The following NEK3 variants were observed in gnomAD, a reference collection of about 807,000 sequenced individuals.
The protein encoded by NEK3 is serine/threonine-protein kinase Nek3.
A neutral mutation model predicts 66.0 loss-of-function variants in NEK3; 54 were observed. The observed-to-expected ratio is 0.82, with a 90% CI of 0.66 to 1.03. The LOEUF (loss-of-function observed/expected upper bound fraction) is 1.03, where lower values mean the gene tolerates loss of function less well. Among genes scored for constraint, NEK3 ranks in the 50% least tolerant of loss-of-function variants. The pLI is 0.00. For synonymous variants in NEK3, 200 were observed against 206.2 expected (o/e 0.97, Z 0.26); for missense variants, 593 against 603.0 (o/e 0.98, Z 0.17).
intron 14 of NEK3, 96 bp downstream of exon 14, chr13:52,135,633 T>C: frequency 8.5e-7 from 1 of 1,169,740 alleles, no homozygotes. Flanking sequence ...ACTGTACACC[T>C]TAAAATGGTT....
intron 1 of NEK3, among the ~76,000 whole-genome samples, chr13:52,158,602 T>G (rs1956415222): frequency 6.6e-6 from 1 of 152,220 alleles, no homozygotes; most frequent in East Asian, 1.9e-4. Flanking sequence ...ATTTGATATT[T>G]TCTGCCCACA....
chr13:52,138,606 G>A (rs1956223737), intron 11 of NEK3, among the ~76,000 whole-genome samples: 1 of 152,116 alleles, frequency 6.6e-6, no homozygotes, highest in South Asian at 2.1e-4. Flanking sequence ...AGAGCAATTT[G>A]TTGTCATACA....
intron 10 of NEK3, among the ~76,000 whole-genome samples, chr13:52,143,307 G>A (rs1349607581): frequency 1.6e-5 from 2 of 126,008 alleles, no homozygotes; most frequent in African/African-American, 5.0e-5. Flanking sequence ...CAAGAGTGAA[G>A]CTCCATTTCA....
At chr13:52,139,908 G>A (rs537967368) in intron 11 of NEK3, among the ~76,000 whole-genome samples, 2 of 151,202 alleles carry the variant, frequency 1.3e-5, no homozygotes, top group Non-Finnish European at 1.5e-5. Flanking sequence ...CAAAATAAAC[G>A]AACCAAAAAG....
chr13:52,132,996 C>G lies in NEK3; in HGVS notation c.*146G>C. ...GACTTTTCAAACTCACGATACTAATCAAGAACGATTTTAAGTATTAAGAGT... is the reference window on the plus strand; with the variant it reads ...GACTTTTCAAACTCACGATACTAATGAAGAACGATTTTAAGTATTAAGAGT... On this transcript the variant is annotated 3_prime_UTR_variant, in exon 16 of 16. Coordinates refer to ENST00000610828, the MANE Select transcript of NEK3 (RefSeq NM_002498.3). 2 of 672,992 alleles carry G rather than the reference C, an allele frequency of 3.0e-6. No individual in the cohort carries two copies. The highest frequency in any genetic ancestry group is 2.7e-5 in the Admixed American group (1 of 36,546). 41.7% of individuals were successfully genotyped at this position (672,992 alleles called of 1,614,324 possible).
chr13:52,133,273 G>GT, intron 15 of NEK3, 47 bp from the exon 16 acceptor site: 5 of 1,425,744 alleles, frequency 3.5e-6, no homozygotes, highest in Non-Finnish European at 4.9e-6. Flanking sequence ...TAGGGGCACA[G>GT]TATCTGTTGA....
Position 52,143,940 on chromosome 13 carries a change from C to T in NEK3, c.852G>A (p.Ser284=), listed in dbSNP as rs1288913232. Residue 284 remains serine, a synonymous_variant, in exon 10 of 16, where the codon TCG becomes TCA. Transcript: ENST00000610828. ...TTTTTTTTCTTGGTGTGTTATGCTT[C>T]GAATTTTTTATTTCTTCTAATACTT... The part of the protein sequence containing the change: ...GEEVLEEIKN[S]KHNTPRKKTN... The T allele has an allele frequency of 2.7e-6, 4 of 1,501,866 alleles. No homozygotes were observed. The highest frequency in any genetic ancestry group is 1.4e-5 in the African/African-American group (1 of 71,858). The allele number at this position is 1,501,866 out of a possible 1,614,324, so 93.0% of individuals were successfully genotyped here.
intron 1 of NEK3, among the ~76,000 whole-genome samples, chr13:52,158,126 C>T (rs915762472): frequency 6.6e-6 from 1 of 152,244 alleles, no homozygotes; most frequent in African/African-American, 2.4e-5. Context: ...ATCCGCCCGC[C>T]TCGGCCTCCC....
intron 11 of NEK3, among the ~76,000 whole-genome samples, chr13:52,139,968 G>A (rs1421878496): frequency 3.3e-5 from 5 of 150,184 alleles, no homozygotes; most frequent in Non-Finnish European, 7.4e-5. Context: ...TTAAGAGGCC[G>A]AGGCGGGAGG....
Position 52,132,864 on chromosome 13 carries a change from G to A in NEK3, c.*278C>T, listed in dbSNP as rs914816162. ...TTTCCCACAATCACACAAGTAGGTA[G>A]TGGCACGCTAGCATCCCATTTCTGT... On this transcript the variant is annotated 3_prime_UTR_variant, in exon 16 of 16. Transcript: ENST00000610828. The A allele has an allele frequency of 1.2e-5, 4 of 343,168 alleles. No homozygotes were observed. In the South Asian group the frequency reaches 2.0e-4, roughly 17 times the overall value. The allele number at this position is 343,168 out of a possible 1,614,324, so 21.3% of individuals were successfully genotyped here.
intron 8 of NEK3, among the ~76,000 whole-genome samples, chr13:52,145,259 C>G (rs1407269343): frequency 6.6e-6 from 1 of 152,110 alleles, no homozygotes; most frequent in Non-Finnish European, 1.5e-5. Context: ...TGTAATATCC[C>G]TTTGCTCCAG....
At chr13:52,140,888 T>G in intron 11 of NEK3, 132 bp downstream of exon 11, 1 of 587,012 alleles carries the variant, frequency 1.7e-6, no homozygotes, top group Non-Finnish European at 2.9e-6. Flanking sequence ...CAATCTAGGC[T>G]CACTGCAACC....
At position 52,152,591 on chromosome 13, in the gene NEK3, A is replaced by C; in HGVS notation, c.393+18T>G. ...TAAGGACTTTTTTTTTTTAAGTCCA[A>C]AAATGTACTCCACTCACCTTGGACT... On this transcript the variant is annotated intron_variant, in intron 5 of 15. Coordinates refer to ENST00000610828, the MANE Select transcript of NEK3 (RefSeq NM_002498.3). 6.4e-7 allele frequency: 1 copy of C among 1,554,240 alleles called. No individual in the cohort carries two copies. The highest frequency in any genetic ancestry group is 8.7e-7 in the Non-Finnish European group (1 of 1,144,072).
rs1956254363 is a variant in NEK3, at chr13:52,141,976, A to G, written c.878-907T>C. On this transcript the variant is annotated intron_variant, in intron 10 of 15. Transcript: ENST00000610828. ...GTGGCGCATGCCTGTAATCCCAGCC[A>G]CTCTGGAGGCTGAGGCATGAGAATT... is the stretch of plus-strand genomic sequence containing the variant. 9.9e-5 allele frequency among the ~76,000 whole-genome samples: 15 copies of G among 151,042 alleles called. No homozygotes were observed. In the Admixed American group the frequency reaches 9.9e-4, roughly 10 times the overall value.
intron 7 of NEK3, among the ~76,000 whole-genome samples, chr13:52,148,955 A>G (rs1413414421): frequency 6.6e-6 from 1 of 152,066 alleles, no homozygotes; most frequent in Non-Finnish European, 1.5e-5. Context: ...GCAGCCTCAC[A>G]ATCTCGGCTC....
intron 7 of NEK3, among the ~76,000 whole-genome samples, chr13:52,149,990 G>A (rs1289124517): frequency 6.6e-6 from 1 of 151,994 alleles, no homozygotes; most frequent in Non-Finnish European, 1.5e-5. Context: ...TCACATCCAA[G>A]GAATTTAATC....
chr13:52,142,757 T>C lies in NEK3; in HGVS notation c.877+1158A>G, dbSNP rs535177912. On this transcript the variant is annotated intron_variant, in intron 10 of 15. Coordinates refer to ENST00000610828, the MANE Select transcript of NEK3 (RefSeq NM_002498.3). ...CAGGCAATAGAGGTTTTGCAACATG[T>C]CCCAGCAGTGAATGATCTCCTACAC... Among the ~76,000 whole-genome samples the C allele has an allele frequency of 5.9e-5, 9 of 152,348 alleles. No individual in the cohort carries two copies. In the East Asian group the frequency reaches 1.3e-3, roughly 23 times the overall value.
intron 1 of NEK3, chr13:52,157,486 G>A (rs945960415): frequency 6.6e-6 from 1 of 152,318 alleles, no homozygotes; most frequent in South Asian, 2.1e-4. Flanking sequence ...AAGGCACAAT[G>A]GTTGTGTGTG....
At chr13:52,133,575 G>A (rs931044329) in intron 15 of NEK3, 114 bp downstream of exon 15, 2 of 1,327,140 alleles carry the variant, frequency 1.5e-6, no homozygotes, top group Admixed American at 5.4e-5. Context: ...TAATATAAGA[G>A]GTCCCTACTA....
Sources: gnomAD v4.1 joint callset for allele counts (sites outside exome capture counted in the v4.1 genomes callset) on GRCh38, gnomAD v4.1.1 for gene constraint, MANE v1.5 for transcripts, NCBI Gene and HGNC (gene_info 2026-07-23, HGNC 2026-07-21) for gene names.